CRYBG2: variants seen among roughly 807,000 people sequenced by gnomAD.
CRYBG2 encodes crystallin beta-gamma domain containing 2.
In CRYBG2, 106 loss-of-function variants were observed where a neutral mutation model predicts 153.4. That is an observed-to-expected ratio of 0.69 (90% CI 0.59 to 0.81). The LOEUF is 0.81. Ranked by LOEUF, CRYBG2 falls within the 30% of genes least tolerant of loss-of-function variation. The probability of loss-of-function intolerance (pLI) is 0.00; values close to 1 mark genes in which losing one functional copy is unlikely to be tolerated. For missense variants in CRYBG2, 1,996 were observed against 2,112.0 expected (o/e 0.95, Z 1.08); for synonymous variants, 851 against 877.8 (o/e 0.97, Z 0.54).
chr1:26,331,607 A>G lies in CRYBG2; in HGVS notation c.4196T>C (p.Phe1399Ser). Residue 1399 changes from phenylalanine (F) to serine (S), a missense_variant, in exon 15 of 20, where the codon TTT (phenylalanine) becomes TCT (serine). Transcript: ENST00000308182. ...CRVHGGSWIL[F>S]DETNFEGDQH... Reference sequence around the variant, plus strand: ...GTCACCCTCGAAGTTCGTCTCATCAAACAGGATCCAGCTAGGGAAGGGGAA... The same window carrying G: ...GTCACCCTCGAAGTTCGTCTCATCAGACAGGATCCAGCTAGGGAAGGGGAA... 6.2e-7 allele frequency: 1 copy of G among 1,613,980 alleles called. No individual in the cohort carries two copies. Among genetic ancestry groups the G allele is most frequent in the Non-Finnish European group, 8.5e-7 (1 of 1,180,010 alleles).
Position 26,337,617 on chromosome 1 carries a change from T to C in CRYBG2, c.3565A>G (p.Ile1189Val), listed in dbSNP as rs2074078017. 3 of 1,612,968 alleles carry C rather than the reference T, an allele frequency of 1.9e-6. No individual in the cohort carries two copies. The African/African-American group carries it at 4.0e-5, about 22-fold the overall frequency. ...QGRSWEVSRD[I>V]YNLQQPEDSQ... ...TCCTCTGGCTGCTGAAGGTTGTAGA[T>C]GTCTCGGCTCACTTCCCAGCTGCGG... The change falls in exon 9 of 20, where the codon ATC (isoleucine) becomes GTC (valine). Residue 1189 changes from isoleucine (I) to valine (V), a missense_variant. Ile to Val is a conservative substitution (Grantham distance 29, BLOSUM62 3). Coordinates refer to ENST00000308182, the MANE Select transcript of CRYBG2 (RefSeq NM_001039775.4).
rs765207240 is a variant in CRYBG2, at chr1:26,342,827, C to T, written c.3131G>A (p.Gly1044Glu). The T allele has an allele frequency of 9.9e-6, 16 of 1,614,070 alleles. No individual in the cohort carries two copies. The African/African-American group carries it at 1.3e-4, about 13-fold the overall frequency. Residue 1044 changes from glycine to glutamate, a missense_variant, in exon 5 of 20, where the codon GGA becomes GAA. By Grantham distance (98) the Gly-to-Glu change is moderately conservative. Transcript: ENST00000308182. ...CCCTGGGGTTCTGAGTTCCATGTCTCCTTCAGGCAGGACCAGCTTCTGACC... is the reference window on the plus strand; with the variant it reads ...CCCTGGGGTTCTGAGTTCCATGTCTTCTTCAGGCAGGACCAGCTTCTGACC... The part of the protein sequence containing the change: ...FRGQKLVLPE[G>E]DMELRTPGTK...
At chr1:26,334,069 A>G (rs915050781) in intron 14 of CRYBG2, among the ~76,000 whole-genome samples, 1 of 152,114 alleles carries the variant, frequency 6.6e-6, no homozygotes, top group Non-Finnish European at 1.5e-5. Context: ...CAGCCTCCCA[A>G]AGTGCTGGGA....
In CRYBG2 at chr1:26,338,409, G is replaced by A; in HGVS notation, c.3413C>T (p.Thr1138Ile). ...PYILEPGEYPTSEAWGTSDPS... is the reference protein window; with the variant it reads ...PYILEPGEYPISEAWGTSDPS... ...GTCCGATGTGCCCCAGGCCTCTGAG[G>A]TGGGGTACTCTCCAGGTTCCAGGAT... Residue 1138 changes from threonine (T) to isoleucine (I), a missense_variant, in exon 7 of 20, where the codon ACC becomes ATC. Physicochemically the swap from Thr to Ile is moderately conservative, Grantham distance 89. Coordinates refer to ENST00000308182, the MANE Select transcript of CRYBG2 (RefSeq NM_001039775.4). 1.2e-6 allele frequency: 2 copies of A among 1,613,646 alleles called. No homozygotes were observed. Among genetic ancestry groups the A allele is most frequent in the East Asian group, 2.2e-5 (1 of 44,874 alleles).
chr1:26,326,912 G>A, intron 17 of CRYBG2: 9 of 486,572 alleles, frequency 1.8e-5, no homozygotes, highest in South Asian at 1.2e-4. Context: ...CATGTCAGGA[G>A]GGCCTATGGT....
In CRYBG2 at chr1:26,336,780, C is replaced by G. The variant is rs776515345; in HGVS notation, c.3912-48G>C. On this transcript the variant is annotated intron_variant, in intron 11 of 19. Coordinates refer to ENST00000308182, the MANE Select transcript of CRYBG2 (RefSeq NM_001039775.4). The surrounding 1 kb of genome is among the most constrained non-coding windows in gnomAD (Gnocchi z 4.9). ...GTCAGCTGGGACGGAGCCTGCACCTCTCCTGGAACCGCCCCCGGCTCGCCC... is the reference window on the plus strand; with the variant it reads ...GTCAGCTGGGACGGAGCCTGCACCTGTCCTGGAACCGCCCCCGGCTCGCCC... 9 of 1,565,520 alleles carry G rather than the reference C, an allele frequency of 5.7e-6. No homozygotes were observed. The highest frequency in any genetic ancestry group is 7.8e-6 in the Non-Finnish European group (9 of 1,155,556).
At chr1:26,352,533 C>T (rs1159196881) in intron 1 of CRYBG2, among the ~76,000 whole-genome samples, 5 of 152,154 alleles carry the variant, frequency 3.3e-5, no homozygotes, top group African/African-American at 1.2e-4. Context: ...CTGGCAGTCC[C>T]AGCTATGTCT....
In CRYBG2 at chr1:26,343,192, G is replaced by C. The variant is rs757769056; in HGVS notation, c.2962-33C>G. On this transcript the variant is annotated intron_variant, in intron 3 of 19. Coordinates refer to ENST00000308182, the MANE Select transcript of CRYBG2 (RefSeq NM_001039775.4). This position sits in a 1 kb window ranked among gnomAD's most constrained non-coding sequence, Gnocchi z 4.1. ...GGCACAGAAGGGGTCCTCAGGCCCT[G>C]ACCCCAGGCCCCTGCATCCTGCTGC... 106 of 1,550,482 alleles carry C rather than the reference G, an allele frequency of 6.8e-5. 1 individual carries two copies. The highest frequency in any genetic ancestry group is 8.9e-5 in the Non-Finnish European group (102 of 1,146,964).
At position 26,322,231 on chromosome 1, in the gene CRYBG2, C is replaced by T. The variant is rs1241045004; in HGVS notation, c.4830G>A (p.Thr1610=). Residue 1610 remains threonine (T), a synonymous_variant, in exon 19 of 20, where the codon ACG becomes ACA. Transcript: ENST00000308182. ...LWAESRLPRQ[T]WSISESGHIC... ...TGTGGCCCGATTCACTGATGCTCCA[C>T]GTCTGGCGCGGCAGGCGGCTCTCGG... 5 of 1,614,050 alleles carry T rather than the reference C, an allele frequency of 3.1e-6. No homozygotes were observed. The highest frequency in any genetic ancestry group is 1.3e-5 in the African/African-American group (1 of 74,930).
chr1:26,328,836 T>A lies in CRYBG2; in HGVS notation c.4352A>T (p.Glu1451Val). 1.2e-6 allele frequency: 2 copies of A among 1,614,004 alleles called. No homozygotes were observed. Among genetic ancestry groups the A allele is most frequent in the Non-Finnish European group, 1.7e-6 (2 of 1,180,004 alleles). ...CTCGATCTCCTTCCCCTCGAAGCAC[T>A]CGAGTCCATACAGGAAAATGGAAGG... ...SEPSIFLYGL[E>V]CFEGKEIELS... The change falls in exon 16 of 20, where the codon GAG becomes GTG. Residue 1451 changes from glutamate to valine, a missense_variant. By Grantham distance (121) the Glu-to-Val change is moderately radical. Transcript: ENST00000308182.
At chr1:26,337,773 G>A in intron 8 of CRYBG2, 99 bp from the exon 9 acceptor site, 2 of 1,489,314 alleles carry the variant, frequency 1.3e-6, no homozygotes, top group Non-Finnish European at 1.8e-6. Context: ...GCACCCCCCA[G>A]CCCTCCCACC....
At chr1:26,331,817 G>A (rs2074000275) in intron 14 of CRYBG2, among the ~76,000 whole-genome samples, 199 bp from the exon 15 acceptor site, 1 of 152,202 alleles carries the variant, frequency 6.6e-6, no homozygotes, top group African/African-American at 2.4e-5. Context: ...TGCCCCTATG[G>A]AGGGGAATTT....
intron 5 of CRYBG2, among the ~76,000 whole-genome samples, chr1:26,342,181 C>T (rs924405649): frequency 1.3e-5 from 2 of 152,244 alleles, no homozygotes; most frequent in Non-Finnish European, 2.9e-5. Context: ...ACGTTCCCTC[C>T]CATCTTGTCT....
At position 26,324,309 on chromosome 1, in the gene CRYBG2, C is replaced by T. The variant is rs201521121; in HGVS notation, c.4580G>A (p.Arg1527His). Residue 1527 changes from arginine (R) to histidine (H), a missense_variant and splice_region_variant, in exon 18 of 20, where the codon CGC becomes CAC. Arg to His is a conservative substitution (Grantham distance 29). Transcript: ENST00000308182. ...RVGSLYPIKQ[R>H]RVYFRLWNAA... ...ATTCCAGAGGCGGAAATAAACCCGGCGCTGGTGGCAGAAAGAGGCTGAGAG... is the reference window on the plus strand; with the variant it reads ...ATTCCAGAGGCGGAAATAAACCCGGTGCTGGTGGCAGAAAGAGGCTGAGAG... 5.2e-5 allele frequency: 84 copies of T among 1,603,294 alleles called. No individual in the cohort carries two copies. The highest frequency in any genetic ancestry group is 5.2e-4 in the Admixed American group (31 of 59,656).
At position 26,337,321 on chromosome 1, in the gene CRYBG2, C is replaced by A. The variant is rs369428388; in HGVS notation, c.3703G>T (p.Glu1235Ter). The change falls in exon 10 of 20, where the codon GAA becomes TAA. Residue 1235 changes from glutamate (E) to a stop codon, truncating the protein, a stop_gained. Coordinates refer to ENST00000308182, the MANE Select transcript of CRYBG2 (RefSeq NM_001039775.4). LOFTEE classifies it high-confidence loss of function. ...CCCCAGTGTGACCAGTCTGGGTATT[C>A]CCCCTCCTCCAGCAGATACTGGTGG... ...RGHQYLLEEG[E>*]YPDWSHWGGY... 2 of 1,614,074 alleles carry A rather than the reference C, an allele frequency of 1.2e-6. No homozygotes were observed. The highest frequency in any genetic ancestry group is 1.7e-6 in the Non-Finnish European group (2 of 1,179,980).
rs768962478 is a variant in CRYBG2 at position 26,328,795 on chromosome 1, G to A, written c.4393C>T (p.Arg1465Trp). The A allele has an allele frequency of 1.3e-5, 21 of 1,613,926 alleles. No individual in the cohort carries two copies. The highest frequency in any genetic ancestry group is 2.7e-5 in the African/African-American group (2 of 74,884). ...GKEIELSREV[R>W]SLQAEGFNNH... ...TTGAAGCCCTCGGCTTGCAGGCTCC[G>A]CACCTCCCTGCTGAGCTCGATCTCC... The change falls in exon 16 of 20, where the codon CGG (arginine) becomes TGG (tryptophan). Residue 1465 changes from arginine to tryptophan, a missense_variant. By Grantham distance (101) the Arg-to-Trp change is moderately radical. Coordinates refer to ENST00000308182, the MANE Select transcript of CRYBG2 (RefSeq NM_001039775.4).
chr1:26,322,136 G>C, intron 19 of CRYBG2, 28 bp downstream of exon 19: 2 of 1,604,520 alleles, frequency 1.2e-6, no homozygotes, highest in East Asian at 2.2e-5. Context: ...CCCCTCAGGA[G>C]CCCTCTTCCC....
chr1:26,332,828 A>G (rs1372859795), intron 14 of CRYBG2, among the ~76,000 whole-genome samples: 1 of 151,794 alleles, frequency 6.6e-6, no homozygotes, highest in African/African-American at 2.4e-5. Flanking sequence ...TTTAAGGTGT[A>G]CAATTTAGTG....
Position 26,345,938 on chromosome 1 carries a change from G to T in CRYBG2, c.720C>A (p.Asn240Lys). 4 of 1,595,986 alleles carry T rather than the reference G, an allele frequency of 2.5e-6. No individual in the cohort carries two copies. Among genetic ancestry groups the T allele is most frequent in the African/African-American group, 1.3e-5 (1 of 75,026 alleles). Reference sequence around the variant, plus strand: ...GGGGGCTGTGCCCAGCAGGCACGAGGTTACTTAGCACTTTCACGGCCTGGC... The same window carrying T: ...GGGGGCTGTGCCCAGCAGGCACGAGTTTACTTAGCACTTTCACGGCCTGGC... Reference protein sequence around the residue: ...SRSQAVKVLSNLVPAGHSPPA... With the variant: ...SRSQAVKVLSKLVPAGHSPPA... Residue 240 changes from asparagine to lysine, a missense_variant, in exon 2 of 20, where the codon AAC (asparagine) becomes AAA (lysine). By Grantham distance (94) the Asn-to-Lys change is moderately conservative (BLOSUM62 0). Transcript: ENST00000308182.
Sources: gnomAD v4.1 joint callset for allele counts (sites outside exome capture counted in the v4.1 genomes callset) on GRCh38, gnomAD v4.1.1 for gene constraint, Gnocchi (gnomAD v3.1) non-coding constraint, MANE v1.5 for transcripts, NCBI Gene and HGNC (gene_info 2026-07-23, HGNC 2026-07-21) for gene names.